The following MEIOSIN variants were observed in gnomAD, a reference collection of about 807,000 sequenced individuals.
MEIOSIN encodes meiosis initiator.
A neutral mutation model predicts 23.4 loss-of-function variants in MEIOSIN; 18 were observed. That is an observed-to-expected ratio of 0.77 (90% CI 0.53 to 1.14). MEIOSIN has a LOEUF of 1.14. MEIOSIN is among the 50% of genes most tolerant of loss of function. MEIOSIN has a pLI of 0.00. For synonymous variants in MEIOSIN, 187 were observed against 100.6 expected (o/e 1.86, Z -5.14); for missense variants, 428 against 242.9 (o/e 1.76, Z -5.07).
At chr19:45,748,239 G>A (rs565911513) in intron 4 of MEIOSIN, among the ~76,000 whole-genome samples, 1 of 152,062 alleles carries the variant, frequency 6.6e-6, no homozygotes, top group South Asian at 2.1e-4. Flanking sequence ...CACCACGCCC[G>A]GCCAATTAGT....
chr19:45,735,871 T>C (rs970080799), intron 2 of MEIOSIN, among the ~76,000 whole-genome samples: 1 of 152,066 alleles, frequency 6.6e-6, no homozygotes, highest in Non-Finnish European at 1.5e-5. Flanking sequence ...AAGATAGGGT[T>C]TTGCCATTTT....
At chr19:45,745,466 C>A (rs1968576623) in intron 4 of MEIOSIN, 145 bp downstream of exon 4, 2 of 577,062 alleles carry the variant, frequency 3.5e-6, no homozygotes, top group South Asian at 4.6e-5. Flanking sequence ...ACGGGAATTT[C>A]CGGGAGTCTG....
rs1415949244 is a variant in MEIOSIN at position 45,761,662 on chromosome 19, C to G, written c.1246-17C>G. 3 of 700,346 alleles carry G rather than the reference C, an allele frequency of 4.3e-6. No individual in the cohort carries two copies. The highest frequency in any genetic ancestry group is 7.8e-6 in the Non-Finnish European group (3 of 383,548). The allele number at this position is 700,346 out of a possible 1,614,324, so 43.4% of individuals were successfully genotyped here. ...CACTTGTCTCCCCTCCCATCTTTCT[C>G]CCTCATCATGCCCCAGGACACAGCC... On this transcript the variant is annotated splice_polypyrimidine_tract_variant and intron_variant, in intron 11 of 14. Coordinates refer to ENST00000457052, the MANE Select transcript of MEIOSIN (RefSeq NM_001310124.2).
chr19:45,743,831 T>C (rs964126565), intron 3 of MEIOSIN, among the ~76,000 whole-genome samples: 2 of 151,200 alleles, frequency 1.3e-5, no homozygotes, highest in African/African-American at 4.9e-5. Flanking sequence ...CAACTTTTTA[T>C]TTTTTCATAA....
At position 45,761,717 on chromosome 19, in the gene MEIOSIN, C is replaced by T. The variant is rs1271153926; in HGVS notation, c.1284C>T (p.Ser428=). 2 of 703,034 alleles carry T rather than the reference C, an allele frequency of 2.8e-6. No individual in the cohort carries two copies. The highest frequency in any genetic ancestry group is 3.0e-5 in the South Asian group (2 of 67,588). The allele number at this position is 703,034 out of a possible 1,614,324, so 43.5% of individuals were successfully genotyped here. A position where few individuals can be genotyped will look rare whatever the true frequency, so the allele number is the denominator to read the frequency against. The part of the protein sequence containing the change: ...ASKAPKDPPE[S]HSLHRSSVSL... ...AGGCCCCCAAAGACCCTCCTGAGTC[C>T]CACAGCCTGCACCGGTCCTCAGTCT... Residue 428 remains serine (S), a synonymous_variant, in exon 12 of 15, where the codon TCC becomes TCT. Coordinates refer to ENST00000457052, the MANE Select transcript of MEIOSIN (RefSeq NM_001310124.2).
chr19:45,736,239 G>A (rs80275806), intron 2 of MEIOSIN, among the ~76,000 whole-genome samples: 1 of 152,144 alleles, frequency 6.6e-6, no homozygotes, highest in East Asian at 1.9e-4. Context: ...TAGTGACAGG[G>A]TCTTGCTATG....
chr19:45,754,378 T>C (rs771875674), intron 6 of MEIOSIN, 101 bp from the exon 7 acceptor site: 187 of 616,184 alleles, frequency 3.0e-4, no homozygotes, highest in Non-Finnish European at 4.7e-4. Context: ...AGGCCAGGCA[T>C]AGCTTTGACA....
At position 45,739,704 on chromosome 19, in the gene MEIOSIN, G is replaced by A. The variant is rs1209763583; in HGVS notation, c.150G>A (p.Glu50=). 3 of 703,480 alleles carry A rather than the reference G, an allele frequency of 4.3e-6. No individual in the cohort carries two copies. The highest frequency in any genetic ancestry group is 2.0e-5 in the Admixed American group (1 of 49,970). 43.6% of individuals were successfully genotyped at this position (703,480 alleles called of 1,614,324 possible). A position where few individuals can be genotyped will look rare whatever the true frequency, so the allele number is the denominator to read the frequency against. Residue 50 remains glutamate, a synonymous_variant, in exon 3 of 15, where the codon GAG becomes GAA. Coordinates refer to ENST00000457052, the MANE Select transcript of MEIOSIN (RefSeq NM_001310124.2). The part of the protein sequence containing the change: ...PSEPHGLRME[E]KWLLKGKLRN... ...AACCACATGGACTGAGAATGGAGGA[G>A]AAATGGTTGCTCAAAGGAAAACTGA...
rs140264548 is a variant in MEIOSIN, at chr19:45,764,501, T to C, written c.*383T>C. On this transcript the variant is annotated 3_prime_UTR_variant, in exon 15 of 15. Transcript: ENST00000457052. ...GTTCTATTTTTAGACTATTTATTGT[T>C]TTAAATAAAATAAAGCAAGTGGAAC... The C allele has an allele frequency of 2.6e-3, 447 of 173,956 alleles. 1 individual carries two copies. Among genetic ancestry groups the C allele is most frequent in the African/African-American group, 9.8e-3 (418 of 42,526 alleles). 10.8% of individuals were successfully genotyped at this position (173,956 alleles called of 1,614,324 possible).
intron 1 of MEIOSIN, among the ~76,000 whole-genome samples, chr19:45,734,930 G>C (rs1308149868): frequency 6.6e-6 from 1 of 151,934 alleles, no homozygotes; most frequent in East Asian, 1.9e-4. Flanking sequence ...GTCTCACTCT[G>C]TTGTCCAGGC....
In MEIOSIN at chr19:45,752,950, T is replaced by C. The variant is rs867100595; in HGVS notation, c.419-701T>C. ...TTTTTTTTTTTTTTCTGAGGCGGAG[T>C]CTCGCTCTTTTCGCCCAGGCTGGAG... On this transcript the variant is annotated intron_variant, in intron 5 of 14. Transcript: ENST00000457052. 3.1e-5 allele frequency among the ~76,000 whole-genome samples: 4 copies of C among 130,854 alleles called. No individual in the cohort carries two copies. In the South Asian group the frequency reaches 7.2e-4, roughly 24 times the overall value. 85.8% of individuals were successfully genotyped at this position (130,854 alleles called of 152,430 possible). A position where few individuals can be genotyped will look rare whatever the true frequency, so the allele number is the denominator to read the frequency against.
At chr19:45,741,454 G>C (rs1968503606) in intron 3 of MEIOSIN, among the ~76,000 whole-genome samples, 1 of 152,174 alleles carries the variant, frequency 6.6e-6, no homozygotes, top group African/African-American at 2.4e-5. Flanking sequence ...TAATTTAAAA[G>C]GAATTAGAAT....
At chr19:45,741,591 A>G (rs1438282682) in intron 3 of MEIOSIN, among the ~76,000 whole-genome samples, 1 of 151,974 alleles carries the variant, frequency 6.6e-6, no homozygotes, top group African/African-American at 2.4e-5. Flanking sequence ...TGTGCCTGTA[A>G]TCCCAGCTAC....
chr19:45,757,384 C>G, intron 9 of MEIOSIN, 107 bp downstream of exon 9: 1 of 616,808 alleles, frequency 1.6e-6, no homozygotes, highest in South Asian at 1.9e-5. Context: ...GAATGGAGAT[C>G]CCCTAAGCAC....
chr19:45,749,397 C>T (rs1968650351), intron 4 of MEIOSIN, among the ~76,000 whole-genome samples: 3 of 147,310 alleles, frequency 2.0e-5, no homozygotes, highest in South Asian at 2.2e-4. Context: ...AAAAAAAGGC[C>T]GAGCGCAGTG....
chr19:45,750,446 G>A (rs1429171901), intron 4 of MEIOSIN, among the ~76,000 whole-genome samples: 1 of 145,980 alleles, frequency 6.9e-6, no homozygotes, highest in Non-Finnish European at 1.5e-5. Flanking sequence ...TGCAACCTCC[G>A]CCTCACGGGT....
intron 4 of MEIOSIN, among the ~76,000 whole-genome samples, chr19:45,745,935 T>A (rs920079773): frequency 6.6e-6 from 1 of 152,126 alleles, no homozygotes; most frequent in Non-Finnish European, 1.5e-5. Flanking sequence ...GCTTTTTCAC[T>A]TGTTTGGTTG....
chr19:45,739,551 T>C lies in MEIOSIN; in HGVS notation c.72-75T>C. The C allele has an allele frequency of 4.3e-6, 3 of 698,712 alleles. No individual in the cohort carries two copies. In the Admixed American group the frequency reaches 6.1e-5, roughly 14 times the overall value. 43.3% of individuals were successfully genotyped at this position (698,712 alleles called of 1,614,324 possible). A position where few individuals can be genotyped will look rare whatever the true frequency, so the allele number is the denominator to read the frequency against. On this transcript the variant is annotated intron_variant, in intron 2 of 14. Transcript: ENST00000457052. The stretch of plus-strand genomic sequence containing the variant: ...CAGAAGAGAAAACATCTTTCTAAGA[T>C]TGATTGACTCTGATTGGCCAAACCT...
chr19:45,742,716 T>C (rs1968526933), intron 3 of MEIOSIN, among the ~76,000 whole-genome samples: 1 of 151,696 alleles, frequency 6.6e-6, no homozygotes, highest in Non-Finnish European at 1.5e-5. Context: ...TGAGGAGGCG[T>C]AATCCCGGGA....
Sources: allele counts gnomAD v4.1 joint callset (sites outside exome capture counted in the v4.1 genomes callset), GRCh38; gene constraint gnomAD v4.1.1; transcripts MANE v1.5; gene names NCBI Gene and HGNC (gene_info 2026-07-23, HGNC 2026-07-21).